Variants in SBF2 observed in about 807,000 individuals in gnomAD.
The protein encoded by SBF2 is SET binding factor 2.
In SBF2, 112 loss-of-function variants were observed where a neutral mutation model predicts 225.2. That is an observed-to-expected ratio of 0.50 (90% confidence interval 0.43 to 0.58). The LOEUF (loss-of-function observed/expected upper bound fraction) is 0.58. Ranked by LOEUF, SBF2 falls within the 20% of genes least tolerant of loss-of-function variation. SBF2 has a pLI of 0.00. For missense variants in SBF2, 1,996 were observed against 2,206.2 expected, an observed-to-expected ratio of 0.90 and a Z score of 1.91; for synonymous variants, 763 against 773.3, an observed-to-expected ratio of 0.99 and a Z score of 0.22.
intron 2 of SBF2, among the ~76,000 whole-genome samples, chr11:10,132,045 C>G (rs539267531): frequency 5.9e-5 from 9 of 152,206 alleles, no homozygotes; most frequent in Non-Finnish European, 7.4e-5. Flanking sequence ...AGTCTTAGGT[C>G]AAGATTATTT....
At chr11:10,066,363 AT>A (rs1565191295) in intron 2 of SBF2, among the ~76,000 whole-genome samples, 1 of 151,236 alleles carries the variant, frequency 6.6e-6, no homozygotes, top group Admixed American at 6.6e-5. Flanking sequence ...TATATCTTTT[AT>A]TTTAGCAAAT....
At chr11:10,078,246 T>C (rs1050966123) in intron 2 of SBF2, among the ~76,000 whole-genome samples, 1 of 152,180 alleles carries the variant, frequency 6.6e-6, no homozygotes, top group African/African-American at 2.4e-5. Flanking sequence ...CTAGAGCTAG[T>C]AATACCATTT....
intron 2 of SBF2, among the ~76,000 whole-genome samples, chr11:10,173,450 G>A (rs537440996): frequency 2.2e-4 from 34 of 152,326 alleles, no homozygotes; most frequent in African/African-American, 3.4e-4. Context: ...GCGCTTTTCC[G>A]ACAGGCTTAA....
At chr11:9,822,336 C>T (rs1854806450) in intron 28 of SBF2, among the ~76,000 whole-genome samples, 2 of 150,852 alleles carry the variant, frequency 1.3e-5, no homozygotes, top group Non-Finnish European at 2.9e-5. Context: ...TCCTGGCTCA[C>T]TGCAAGCTCC....
At chr11:9,856,331 G>T in intron 19 of SBF2, 127 bp downstream of exon 19, 2 of 1,227,742 alleles carry the variant, frequency 1.6e-6, no homozygotes, top group Non-Finnish European at 2.4e-6. Context: ...GTCCAAAGGT[G>T]AGGAAAAATG....
chr11:9,942,052 T>C (rs1185461242), intron 16 of SBF2, among the ~76,000 whole-genome samples: 1 of 152,238 alleles, frequency 6.6e-6, no homozygotes, highest in Admixed American at 6.5e-5. Context: ...AAAATATGTA[T>C]GAGACCTTCA....
At chr11:9,999,933 C>G (rs1186447009) in intron 8 of SBF2, among the ~76,000 whole-genome samples, 3 of 152,200 alleles carry the variant, frequency 2.0e-5, no homozygotes, top group South Asian at 2.1e-4. Flanking sequence ...AGAAGAATTA[C>G]AAAATCTTAG....
At chr11:9,900,171 G>T (rs1861614960) in intron 16 of SBF2, among the ~76,000 whole-genome samples, 1 of 151,914 alleles carries the variant, frequency 6.6e-6, no homozygotes, top group South Asian at 2.1e-4. Context: ...ATATATTTTG[G>T]AAAATGATGA....
intron 16 of SBF2, among the ~76,000 whole-genome samples, chr11:9,940,391 C>T (rs369321824): frequency 0.022 from 2,677 of 121,510 alleles, 79 homozygotes; most frequent in African/African-American, 0.065. Flanking sequence ...GGCAACACAG[C>T]GAGACTCTGC....
In SBF2 at chr11:10,029,799, C is replaced by A. The variant is rs1214507322; in HGVS notation, c.479G>T (p.Cys160Phe). ...TCCAGCCGCTGGGACAAGGCAGGCA[C>A]AAAGGTTTGCAATTAGACTTTCCAA... ...VSLESLIANL[C>F]ACLVPAAGGS... The change falls in exon 5 of 40, where the codon TGT becomes TTT. Residue 160 changes from cysteine (C) to phenylalanine (F), a missense_variant. Physicochemically the swap from Cys to Phe is radical, Grantham distance 205. Transcript: ENST00000256190. 20 of 1,613,750 alleles carry A rather than the reference C, an allele frequency of 1.2e-5. No homozygotes were observed. The highest frequency in any genetic ancestry group is 1.6e-5 in the Non-Finnish European group (19 of 1,179,808).
chr11:10,216,831 C>A (rs2135396022), intron 1 of SBF2, among the ~76,000 whole-genome samples: 1 of 152,168 alleles, frequency 6.6e-6, no homozygotes, highest in East Asian at 1.9e-4. Flanking sequence ...GATTGCACCA[C>A]TGTACTCTAG....
chr11:10,047,675 A>G (rs968104696), intron 2 of SBF2, among the ~76,000 whole-genome samples: 11 of 152,122 alleles, frequency 7.2e-5, no homozygotes, highest in African/African-American at 2.7e-4. Context: ...CCTACCTTGT[A>G]TGAGTCTAGA....
intron 2 of SBF2, among the ~76,000 whole-genome samples, chr11:10,165,362 G>A (rs1219879404): frequency 2.6e-5 from 4 of 152,128 alleles, no homozygotes; most frequent in Non-Finnish European, 5.9e-5. Context: ...ATTATCCAAT[G>A]CCTTGCCCAT....
chr11:10,300,811 C>CTT lies in SBF2; in HGVS notation n.386+3679_386+3680dup, dbSNP rs570381146. Among the ~76,000 whole-genome samples the CTT allele has an allele frequency of 5.2e-3, 715 of 138,118 alleles. 6 individuals are homozygous for CTT. Among genetic ancestry groups the CTT allele is most frequent in the African/African-American group, 0.018 (665 of 37,610 alleles). The allele number at this position is 138,118 out of a possible 152,430, so 90.6% of individuals were successfully genotyped here. A position where few individuals can be genotyped will look rare whatever the true frequency, so the allele number is the denominator to read the frequency against. On this transcript the variant is annotated intron_variant and non_coding_transcript_variant, in intron 1 of 5. Coordinates refer to the SBF2 transcript ENST00000685217. ...TTACTACTTTCTCTTCTCTCTCTCT[C>CTT]TTTTTTTTTTTTTTTCTTTGTAGGG...
Position 9,839,508 on chromosome 11 carries a change from G to C in SBF2, c.3445C>G (p.Leu1149Val), listed in dbSNP as rs766709811. 2 of 1,614,152 alleles carry C rather than the reference G, an allele frequency of 1.2e-6. No homozygotes were observed. Among genetic ancestry groups the C allele is most frequent in the Non-Finnish European group, 1.7e-6 (2 of 1,179,980 alleles). Residue 1149 changes from leucine to valine, a missense_variant, in exon 26 of 40, where the codon CTC becomes GTC. Leu to Val is a conservative substitution (Grantham distance 32). Coordinates refer to ENST00000256190, the MANE Select transcript of SBF2 (RefSeq NM_030962.4). ...CACTGACACACTTACCTCCGGCAGA[G>C]TGAATACATCCTGTTGGAGGCAGTA... The part of the protein sequence containing the change: ...RITASNRMYS[L>V]CRSYPGLLVV...
At chr11:10,041,480 C>A (rs1167982786) in intron 3 of SBF2, among the ~76,000 whole-genome samples, 4 of 152,134 alleles carry the variant, frequency 2.6e-5, no homozygotes, top group Non-Finnish European at 5.9e-5. Flanking sequence ...AAACTCCGGA[C>A]TTTGATATGG....
chr11:10,111,259 C>G (rs1374079523), intron 2 of SBF2, among the ~76,000 whole-genome samples: 1 of 146,296 alleles, frequency 6.8e-6, no homozygotes, highest in Non-Finnish European at 1.5e-5. Flanking sequence ...TCTAAACAAA[C>G]AGAAGAAAAT....
chr11:10,229,007 T>C (rs1044419133), intron 1 of SBF2, among the ~76,000 whole-genome samples: 1 of 152,188 alleles, frequency 6.6e-6, no homozygotes, highest in Non-Finnish European at 1.5e-5. Flanking sequence ...CTCCTGTTAT[T>C]GGTCTATTCA....
In SBF2 at chr11:10,246,442, C is replaced by T. The variant is rs368482027; in HGVS notation, c.55+47573G>A. ...GGGGTTACAAGCGTTTGCCACCATG[C>T]CCAGCTAATTTTGGTATTTTTAGTA... On this transcript the variant is annotated intron_variant, in intron 1 of 39. Transcript: ENST00000256190. 3.9e-5 allele frequency among the ~76,000 whole-genome samples: 6 copies of T among 152,264 alleles called. No homozygotes were observed. The East Asian group carries it at 1.2e-3, about 29-fold the overall frequency.
Sources: allele counts gnomAD v4.1 joint callset (sites outside exome capture counted in the v4.1 genomes callset), GRCh38; gene constraint gnomAD v4.1.1; transcripts MANE v1.5; gene names NCBI Gene and HGNC (gene_info 2026-07-23, HGNC 2026-07-21).